FRMPD4: variants seen among roughly 807,000 people sequenced by gnomAD.
FRMPD4 encodes the protein FERM and PDZ domain-containing protein 4.
A neutral mutation model predicts 94.1 loss-of-function variants in FRMPD4; 22 were observed. The ratio of observed to expected loss-of-function variants is 0.23; its 90% CI spans 0.17 to 0.33. The LOEUF (loss-of-function observed/expected upper bound fraction) is 0.33, where lower values mean the gene tolerates loss of function less well. FRMPD4 is among the 10% of genes least tolerant of loss of function. FRMPD4 has a pLI of 1.00. For synonymous variants in FRMPD4, 631 were observed against 548.6 expected, an observed-to-expected ratio of 1.15 and a Z score of -2.10; for missense variants, 1,111 against 1,339.9, an observed-to-expected ratio of 0.83 and a Z score of 2.67.
At chrX:12,160,068 G>GGTGTGTGTGT (rs757966489) in intron 1 of FRMPD4, among the ~76,000 whole-genome samples, 3,410 of 100,031 alleles carry the variant, frequency 0.034, 165 homozygotes, top group African/African-American at 0.12. Context: ...GATGTTGAGG[G>GGTGTGTGTGT]GTGTGTGTGT....
chrX:12,294,147 G>A (rs1380373729), intron 1 of FRMPD4, among the ~76,000 whole-genome samples: 1 of 111,257 alleles, frequency 9.0e-6, no homozygotes, highest in African/African-American at 3.3e-5. Context: ...GCAAGGAGGC[G>A]TCGTTTGGGG....
At chrX:12,067,427 G>GTT (rs199570953) in intron 3 of FRMPD4, among the ~76,000 whole-genome samples, 1 of 107,297 alleles carries the variant, frequency 9.3e-6, no homozygotes, top group African/African-American at 3.4e-5. Context: ...TTTTGTTTTT[G>GTT]TTTTTTTTTG....
upstream of FRMPD4, among the ~76,000 whole-genome samples, chrX:12,136,696 G>C (rs370261589): frequency 3.6e-5 from 4 of 110,689 alleles, no homozygotes; most frequent in Non-Finnish European, 7.6e-5. Context: ...GGAGGGGCTC[G>C]GGGTAGGGGA....
At chrX:12,579,700 TTGAG>T (rs1249877510) in intron 2 of FRMPD4, among the ~76,000 whole-genome samples, 3 of 112,431 alleles carry the variant, frequency 2.7e-5, no homozygotes, top group African/African-American at 9.7e-5. Context: ...AAGCTGATTA[TTGAG>T]TTAGTACCTT....
intron 1 of FRMPD4, among the ~76,000 whole-genome samples, chrX:12,399,676 A>G (rs1402716003): frequency 9.0e-6 from 1 of 111,683 alleles, no homozygotes; most frequent in Non-Finnish European, 1.9e-5. Flanking sequence ...CATTAAGTGG[A>G]AGTAGATTAT....
rs771684399 is a variant in FRMPD4 at position 12,429,941 on chromosome X, C to T, written c.42-68739C>T. On this transcript the variant is annotated intron_variant, in intron 1 of 16. Coordinates refer to ENST00000675598, the MANE Select transcript of FRMPD4 (RefSeq NM_001368397.1). ...TAGCATTTCTCCTTTCTGGAGGACA[C>T]GGGATTCGAGATGCTGTCTTAGAAG... Among the ~76,000 whole-genome samples the T allele has an allele frequency of 1.3e-4, 15 of 112,005 alleles. No individual in the cohort carries two copies. In the East Asian group the frequency reaches 2.2e-3, roughly 17 times the overall value.
chrX:12,308,157 GTACTTCCCATTTCACAA>G (rs1254005204), intron 1 of FRMPD4, among the ~76,000 whole-genome samples: 2 of 111,544 alleles, frequency 1.8e-5, no homozygotes, highest in Non-Finnish European at 3.8e-5. Flanking sequence ...CTCACGGGCT[GTACTTCCCATTTCACAA>G]TCCTCTGGCA....
At chrX:11,898,577 T>G (rs144784031) in intron 3 of FRMPD4, among the ~76,000 whole-genome samples, 2,035 of 111,975 alleles carry the variant, frequency 0.018, 26 homozygotes, top group Non-Finnish European at 0.03. Context: ...GATGAATATG[T>G]TAATTAGTTT....
chrX:12,718,262 C>G lies in FRMPD4; in HGVS notation c.3436C>G (p.Gln1146Glu). The G allele has an allele frequency of 8.3e-7, 1 of 1,211,483 alleles. No homozygotes were observed. ...GETSDGSGLG[Q>E]GDRFLTDVTC... Reference sequence around the variant, plus strand: ...AACCAGTGATGGCTCAGGACTTGGTCAAGGGGACCGCTTCTTAACTGACGT... The same window carrying G: ...AACCAGTGATGGCTCAGGACTTGGTGAAGGGGACCGCTTCTTAACTGACGT... Residue 1146 changes from glutamine (Q) to glutamate (E), a missense_variant, in exon 16 of 17, where the codon CAA becomes GAA. Physicochemically the swap from Gln to Glu is conservative, Grantham distance 29. Transcript: ENST00000675598.
intron 4 of FRMPD4, among the ~76,000 whole-genome samples, chrX:12,664,706 T>C (rs775591990): frequency 3.8e-4 from 43 of 112,029 alleles, no homozygotes; most frequent in South Asian, 3.7e-3. Context: ...ATCAGGACGA[T>C]GCTGGCCTCA....
At position 11,895,500 on chromosome X, in the gene FRMPD4, A is replaced by T. The variant is rs2053898198; in HGVS notation, c.95+17482A>T. On this transcript the variant is annotated intron_variant, in intron 3 of 18. Coordinates refer to the FRMPD4 transcript ENST00000640291. ...CTTGATCAAGGGGGAGAAGGAAATG[A>T]GGGGGACAGTGAGACTTAGGTTCAT... 2.7e-5 allele frequency among the ~76,000 whole-genome samples: 3 copies of T among 111,358 alleles called. No homozygotes were observed. The South Asian group carries it at 1.2e-3, about 43-fold the overall frequency.
At chrX:12,471,869 G>A (rs1015208201) in intron 1 of FRMPD4, among the ~76,000 whole-genome samples, 2 of 111,689 alleles carry the variant, frequency 1.8e-5, no homozygotes, top group African/African-American at 6.5e-5. Context: ...CAAGTGAAGG[G>A]GTCAGAAAGT....
At chrX:11,868,476 T>C (rs1281825854) in intron 2 of FRMPD4, among the ~76,000 whole-genome samples, 13 of 111,807 alleles carry the variant, frequency 1.2e-4, no homozygotes, top group Non-Finnish European at 1.5e-4. Context: ...AGTAGGCTAT[T>C]AACTCTACAA....
intron 2 of FRMPD4, among the ~76,000 whole-genome samples, chrX:12,514,342 T>C (rs113585911): frequency 2.7e-5 from 3 of 111,905 alleles, no homozygotes; most frequent in Admixed American, 1.9e-4. Flanking sequence ...CTGTATGATA[T>C]TGGCTGTAGG....
intron 3 of FRMPD4, among the ~76,000 whole-genome samples, chrX:12,042,133 A>T (rs145002245): frequency 1.1e-4 from 12 of 109,114 alleles, no homozygotes; most frequent in African/African-American, 3.3e-4. Flanking sequence ...TTAGCTTTTG[A>T]TCATATTTGT....
chrX:12,476,096 G>A (rs2057594146), intron 1 of FRMPD4, among the ~76,000 whole-genome samples: 1 of 111,518 alleles, frequency 9.0e-6, no homozygotes, highest in South Asian at 3.8e-4. Flanking sequence ...AAACAGCATG[G>A]TACTGGTACC....
intron 3 of FRMPD4, among the ~76,000 whole-genome samples, chrX:11,930,114 A>C (rs1050788296): frequency 1.0e-5 from 1 of 99,070 alleles, no homozygotes; most frequent in Non-Finnish European, 2.0e-5. Flanking sequence ...TCTCAAAAAA[A>C]AAAAAAAAAA....
At chrX:11,875,074 T>C (rs1160493081) in intron 2 of FRMPD4, among the ~76,000 whole-genome samples, 2 of 112,384 alleles carry the variant, frequency 1.8e-5, no homozygotes, top group Non-Finnish European at 3.8e-5. Flanking sequence ...TCTCAACCTT[T>C]CTTAAAAGGA....
upstream of FRMPD4, among the ~76,000 whole-genome samples, chrX:12,138,230 G>C (rs1385417021): frequency 8.9e-6 from 1 of 112,542 alleles, no homozygotes; most frequent in Non-Finnish European, 1.9e-5. Context: ...TGCTCCTTCC[G>C]AACGCTAGTT....
Sources: allele counts gnomAD v4.1 joint callset (sites outside exome capture counted in the v4.1 genomes callset), GRCh38; gene constraint gnomAD v4.1.1; transcripts MANE v1.5; gene names NCBI Gene and HGNC (gene_info 2026-07-23, HGNC 2026-07-21).